RAB2A: variants seen among roughly 807,000 people sequenced by gnomAD.
The protein encoded by RAB2A is ras-related protein Rab-2A.
RAB2A carries 7 observed loss-of-function variants against 32.5 expected under a neutral mutation model. The ratio of observed to expected loss-of-function variants is 0.22; its 90% CI spans 0.12 to 0.40. The LOEUF (loss-of-function observed/expected upper bound fraction) is 0.40, where lower values mean the gene tolerates loss of function less well. Ranked by LOEUF, RAB2A falls within the 10% of genes least tolerant of loss-of-function variation. RAB2A has a pLI of 1.00. For synonymous variants in RAB2A, 79 were observed against 85.2 expected (o/e 0.93, Z 0.40); for missense variants, 108 against 260.7 (o/e 0.41, Z 4.03).
rs577527878 is a variant in RAB2A, at chr8:60,580,621, T to A, written c.187-3587T>A. 9.2e-5 allele frequency among the ~76,000 whole-genome samples: 14 copies of A among 152,310 alleles called. No homozygotes were observed. The East Asian group carries it at 2.7e-3, about 29-fold the overall frequency. On this transcript the variant is annotated intron_variant, in intron 3 of 7. Transcript: ENST00000262646. ...GTCATAGTCTTCAGTGGGAATTGTGTTTTTTTATTTGCTCGAGCTTTTGTT... is the reference window on the plus strand; with the variant it reads ...GTCATAGTCTTCAGTGGGAATTGTGATTTTTTATTTGCTCGAGCTTTTGTT...
chr8:60,575,771 C>T (rs1419062423), intron 3 of RAB2A, among the ~76,000 whole-genome samples: 1 of 151,196 alleles, frequency 6.6e-6, no homozygotes, highest in Non-Finnish European at 1.5e-5. Flanking sequence ...GATTCTCTTG[C>T]CTCAGCCTCC....
chr8:60,565,852 A>C lies in RAB2A; in HGVS notation c.119-6194A>C, dbSNP rs1808104599. ...CAGCCTCCTGAGTAGCTGAGACTAC[A>C]GGCACGTGCCACCACACCCGGATAA... On this transcript the variant is annotated intron_variant, in intron 2 of 7. Coordinates refer to ENST00000262646, the MANE Select transcript of RAB2A (RefSeq NM_002865.3). Among the ~76,000 whole-genome samples, 3 of 151,664 alleles carry C rather than the reference A, an allele frequency of 2.0e-5. No individual in the cohort carries two copies. In the East Asian group the frequency reaches 5.8e-4, roughly 30 times the overall value.
chr8:60,526,030 TATATATATATATATATATATATATATAA>T, intron 1 of RAB2A, among the ~76,000 whole-genome samples: 1 of 95,728 alleles, frequency 1.0e-5, no homozygotes, highest in South Asian at 3.8e-4. Context: ...CATATATATA[TATATATATATATATATATATATATATAA>T]GTTTTCTGTT....
intron 5 of RAB2A, 41 bp downstream of exon 5, chr8:60,584,856 A>T: frequency 7.2e-7 from 1 of 1,382,978 alleles, no homozygotes. Context: ...ATTAGTGATG[A>T]AGACTGTACT....
intron 3 of RAB2A, among the ~76,000 whole-genome samples, chr8:60,580,679 A>G (rs1011105095): frequency 6.6e-6 from 1 of 152,214 alleles, no homozygotes; most frequent in Admixed American, 6.5e-5. Context: ...CTAGATTCAA[A>G]TGTATTGTGT....
At chr8:60,549,479 CTTTTTTTT>C (rs34956255) in intron 1 of RAB2A, among the ~76,000 whole-genome samples, 1 of 139,332 alleles carries the variant, frequency 7.2e-6, no homozygotes, top group Non-Finnish European at 1.6e-5. Flanking sequence ...CTCCACCAAC[CTTTTTTTT>C]TTTTTTTTTG....
intron 1 of RAB2A, among the ~76,000 whole-genome samples, chr8:60,557,318 C>G (rs1807954616): frequency 6.6e-6 from 1 of 152,086 alleles, no homozygotes; most frequent in African/African-American, 2.4e-5. Context: ...GAGTTTGAGA[C>G]CAGCCTGGCC....
At chr8:60,585,769 A>G (rs892931427) in intron 5 of RAB2A, among the ~76,000 whole-genome samples, 7 of 152,348 alleles carry the variant, frequency 4.6e-5, no homozygotes, top group Non-Finnish European at 8.8e-5. Flanking sequence ...AGCCAGTTCA[A>G]AAGGGAACTC....
chr8:60,537,174 A>T (rs1807570374), intron 1 of RAB2A, among the ~76,000 whole-genome samples: 1 of 152,234 alleles, frequency 6.6e-6, no homozygotes, highest in African/African-American at 2.4e-5. Context: ...ATATATCTCT[A>T]AAACAAAAAT....
intron 1 of RAB2A, among the ~76,000 whole-genome samples, chr8:60,550,288 C>T (rs909622798): frequency 1.3e-5 from 1 of 79,026 alleles, no homozygotes; most frequent in African/African-American, 1.6e-4. Context: ...GGCTCTGCCT[C>T]ACAAATTCAA....
chr8:60,563,250 T>A (rs1808051287), intron 2 of RAB2A, among the ~76,000 whole-genome samples: 1 of 152,204 alleles, frequency 6.6e-6, no homozygotes, highest in African/African-American at 2.4e-5. Flanking sequence ...TTCTTTAACC[T>A]TTGACTATCT....
chr8:60,614,203 C>T lies in RAB2A; in HGVS notation c.475-4377C>T, dbSNP rs948250232. The stretch of plus-strand genomic sequence containing the variant: ...TTAAAGACCCTGTTAGCACAATATC[C>T]GTGAGACCTGCCTTAATCCAGCCCT... On this transcript the variant is annotated intron_variant, in intron 6 of 7. Transcript: ENST00000262646. 3.8e-5 allele frequency among the ~76,000 whole-genome samples: 4 copies of T among 104,452 alleles called. No homozygotes were observed. In the South Asian group the frequency reaches 1.1e-3, roughly 28 times the overall value. 68.5% of individuals were successfully genotyped at this position (104,452 alleles called of 152,430 possible).
At chr8:60,563,209 G>A (rs557177402) in intron 2 of RAB2A, among the ~76,000 whole-genome samples, 2 of 152,224 alleles carry the variant, frequency 1.3e-5, no homozygotes, top group South Asian at 2.1e-4. Context: ...ATAAAAGACC[G>A]TAAAAGTTTT....
chr8:60,529,024 A>G (rs966792497), intron 1 of RAB2A, among the ~76,000 whole-genome samples: 2 of 152,156 alleles, frequency 1.3e-5, no homozygotes, highest in African/African-American at 2.4e-5. Context: ...ATCTTGGGCA[A>G]TTGGCTACTC....
intron 1 of RAB2A, among the ~76,000 whole-genome samples, chr8:60,526,337 C>T (rs1182493223): frequency 6.6e-6 from 1 of 152,082 alleles, no homozygotes; most frequent in Non-Finnish European, 1.5e-5. Context: ...CTACCCACAT[C>T]CCTTGGCCCA....
intron 6 of RAB2A, among the ~76,000 whole-genome samples, chr8:60,618,333 T>A (rs975375327): frequency 6.6e-6 from 1 of 152,218 alleles, no homozygotes; most frequent in African/African-American, 2.4e-5. Context: ...GTTTTTATCA[T>A]GAAATGTTGG....
rs759653831 is a variant in RAB2A, at chr8:60,572,008, C to T, written c.119-38C>T. The stretch of plus-strand genomic sequence containing the variant: ...AATCCTTGAAAGTGAGATATATTCC[C>T]ACTAATTTTGTAACAAATCATTTCC... On this transcript the variant is annotated intron_variant, in intron 2 of 7. Coordinates refer to ENST00000262646, the MANE Select transcript of RAB2A (RefSeq NM_002865.3). 1.4e-5 allele frequency: 21 copies of T among 1,452,612 alleles called. No homozygotes were observed. The South Asian group carries it at 2.4e-4, about 16-fold the overall frequency. 90.0% of individuals were successfully genotyped at this position (1,452,612 alleles called of 1,614,324 possible). A position where few individuals can be genotyped will look rare whatever the true frequency, so the allele number is the denominator to read the frequency against.
intron 1 of RAB2A, among the ~76,000 whole-genome samples, chr8:60,550,376 A>G (rs1181864378): frequency 1.3e-5 from 2 of 149,226 alleles, no homozygotes; most frequent in Non-Finnish European, 1.5e-5. Context: ...TTACTGGTTC[A>G]CGGTTTTTTT....
intron 1 of RAB2A, among the ~76,000 whole-genome samples, chr8:60,549,553 A>C (rs1016282159): frequency 6.7e-6 from 1 of 150,350 alleles, no homozygotes; most frequent in Non-Finnish European, 1.5e-5. Flanking sequence ...GAGCTACTTC[A>C]CATGGAATGG....
Sources: allele counts gnomAD v4.1 joint callset (sites outside exome capture counted in the v4.1 genomes callset), GRCh38; gene constraint gnomAD v4.1.1; transcripts MANE v1.5; gene names NCBI Gene and HGNC (gene_info 2026-07-23, HGNC 2026-07-21).